Variants in COL4A1 observed in about 807,000 individuals in gnomAD.
COL4A1 encodes collagen alpha-1(IV) chain.
In COL4A1, 40 loss-of-function variants were observed where a neutral mutation model predicts 216.6. The observed-to-expected ratio is 0.18, with a 90% CI of 0.14 to 0.24. The LOEUF (loss-of-function observed/expected upper bound fraction) is 0.24, where lower values mean the gene tolerates loss of function less well. COL4A1 is among the 10% of genes least tolerant of loss of function. The pLI, the probability that COL4A1 is intolerant of heterozygous loss-of-function variation, is 1.00. For missense variants in COL4A1, 1,628 were observed against 2,196.8 expected (o/e 0.74, Z 5.18); for synonymous variants, 839 against 810.7 (o/e 1.03, Z -0.59).
intron 12 of COL4A1, among the ~76,000 whole-genome samples, chr13:110,208,605 T>C (rs1879626746): frequency 1.3e-5 from 2 of 152,212 alleles, no homozygotes; most frequent in Admixed American, 6.5e-5. Context: ...ATAATTGGAG[T>C]TAGTCTCGTT....
In COL4A1 at chr13:110,307,048, G is replaced by C. The variant is rs1884765318; in HGVS notation, c.-21C>G. 5 of 1,451,594 alleles carry C rather than the reference G, an allele frequency of 3.4e-6. No individual in the cohort carries two copies. The highest frequency in any genetic ancestry group is 3.6e-6 in the Non-Finnish European group (4 of 1,106,562). 89.9% of individuals were successfully genotyped at this position (1,451,594 alleles called of 1,614,324 possible). ...CCCATGGTGGCGCGCCCGAGGCGGC[G>C]AGGGACGGCTGCCCGGCGTGCGGGG... is the stretch of plus-strand genomic sequence containing the variant. On this transcript the variant is annotated 5_prime_UTR_variant, in exon 1 of 52. Transcript: ENST00000375820. The surrounding 1 kb of genome is among the most constrained non-coding windows in gnomAD (Gnocchi z 5.0).
At chr13:110,195,885 A>G (rs1241838946) in intron 21 of COL4A1, among the ~76,000 whole-genome samples, 1 of 152,136 alleles carries the variant, frequency 6.6e-6, no homozygotes, top group Admixed American at 6.5e-5. Context: ...CCTCTCCCTT[A>G]CAGGGTCTTC....
chr13:110,200,417 C>T (rs530817978), intron 20 of COL4A1, among the ~76,000 whole-genome samples: 2 of 152,268 alleles, frequency 1.3e-5, no homozygotes, highest in Non-Finnish European at 2.9e-5. Flanking sequence ...GGGGTTTTGT[C>T]CTGGAGTCTG....
At position 110,162,384 on chromosome 13, in the gene COL4A1, G is replaced by A. The variant is rs1276174021; in HGVS notation, c.4308C>T (p.Pro1436=). 1.9e-6 allele frequency: 3 copies of A among 1,614,228 alleles called. No homozygotes were observed. In the Admixed American group the frequency reaches 5.0e-5, roughly 27 times the overall value. The stretch of plus-strand genomic sequence containing the variant: ...CGTGATCAACAGATGGGGTGCCTGG[G>A]GGCCCCATGGATCCTGGCAACCCAT... ...GPDGLPGSMG[P]PGTPSVDHGF... is the part of the protein sequence containing the mutation. Residue 1436 remains proline (P), a synonymous_variant, in exon 48 of 52, where the codon CCC becomes CCT. Transcript: ENST00000375820.
At chr13:110,203,843 GGCTA>G (rs1879361897) in intron 17 of COL4A1, among the ~76,000 whole-genome samples, 1 of 151,936 alleles carries the variant, frequency 6.6e-6, no homozygotes, top group African/African-American at 2.4e-5. Context: ...ATAAGTTGGG[GGCTA>G]ATTATTCTCC....
chr13:110,291,021 TG>T (rs1229918374), intron 1 of COL4A1, among the ~76,000 whole-genome samples: 2 of 152,090 alleles, frequency 1.3e-5, no homozygotes, highest in Non-Finnish European at 2.9e-5. Flanking sequence ...ACAGGGCGGG[TG>T]GGGGGCTGTC....
chr13:110,229,917 T>C (rs1880940787), intron 2 of COL4A1, among the ~76,000 whole-genome samples: 1 of 152,176 alleles, frequency 6.6e-6, no homozygotes, highest in Non-Finnish European at 1.5e-5. Context: ...CACCCTCTTG[T>C]GGGTGACTTC....
chr13:110,243,380 T>C (rs1337651816), intron 1 of COL4A1, among the ~76,000 whole-genome samples: 2 of 152,042 alleles, frequency 1.3e-5, no homozygotes, highest in East Asian at 1.9e-4. Context: ...TGCAATGGCG[T>C]GATCTTGGCA....
At chr13:110,195,996 G>C (rs1356732573) in intron 21 of COL4A1, among the ~76,000 whole-genome samples, 1 of 152,122 alleles carries the variant, frequency 6.6e-6, no homozygotes, top group Non-Finnish European at 1.5e-5. Flanking sequence ...GGGGCTGTGG[G>C]GCCCTCCCTC....
At chr13:110,250,808 C>T (rs567601912) in intron 1 of COL4A1, among the ~76,000 whole-genome samples, 1 of 152,326 alleles carries the variant, frequency 6.6e-6, no homozygotes, top group East Asian at 1.9e-4. Flanking sequence ...TGGGGCAAGG[C>T]CAGTGCGTCC....
At chr13:110,201,407 G>A in intron 19 of COL4A1, 31 bp downstream of exon 19, 1 of 1,406,642 alleles carries the variant, frequency 7.1e-7, no homozygotes, top group Non-Finnish European at 9.6e-7. Flanking sequence ...AGGGGGAGTA[G>A]GAGGAGGGGG....
intron 29 of COL4A1, among the ~76,000 whole-genome samples, chr13:110,180,831 G>A (rs1490932484): frequency 2.0e-5 from 3 of 152,314 alleles, no homozygotes; most frequent in Non-Finnish European, 2.9e-5. Flanking sequence ...CCCATAGGTG[G>A]AGGGAGGGCT....
At chr13:110,251,312 C>A (rs1428495003) in intron 1 of COL4A1, among the ~76,000 whole-genome samples, 1 of 152,234 alleles carries the variant, frequency 6.6e-6, no homozygotes, top group Non-Finnish European at 1.5e-5. Context: ...AAGCCCAGCC[C>A]ACGCAAGACA....
chr13:110,173,884 G>A lies in COL4A1; in HGVS notation c.3505+16C>T. Reference sequence around the variant, plus strand: ...ACACTGCTGATTCTGATAGGGAATGGGGCGTTGGGCCATACCTGGTTCACC... The same window carrying A: ...ACACTGCTGATTCTGATAGGGAATGAGGCGTTGGGCCATACCTGGTTCACC... On this transcript the variant is annotated intron_variant, in intron 40 of 51. Transcript: ENST00000375820. 1 of 1,614,012 alleles carries A rather than the reference G, an allele frequency of 6.2e-7. No individual in the cohort carries two copies. Among genetic ancestry groups the A allele is most frequent in the Non-Finnish European group, 8.5e-7 (1 of 1,179,882 alleles).
chr13:110,231,968 A>T (rs1027814756), intron 2 of COL4A1, among the ~76,000 whole-genome samples: 1 of 152,216 alleles, frequency 6.6e-6, no homozygotes, highest in African/African-American at 2.4e-5. Context: ...TAAGAAATTC[A>T]CATCTATCAT....
chr13:110,150,523 A>G, intron 51 of COL4A1, 79 bp from the exon 52 acceptor site: 4 of 1,425,276 alleles, frequency 2.8e-6, no homozygotes, highest in Non-Finnish European at 3.9e-6. Flanking sequence ...CCCTGCTCGG[A>G]AATCTCTAAG....
intron 2 of COL4A1, among the ~76,000 whole-genome samples, chr13:110,242,168 T>C (rs1468519052): frequency 6.6e-6 from 1 of 152,232 alleles, no homozygotes; most frequent in African/African-American, 2.4e-5. Context: ...AGGGGAACAG[T>C]TTGCTTGCAA....
chr13:110,172,578 C>G, intron 41 of COL4A1, 142 bp downstream of exon 41: 1 of 813,138 alleles, frequency 1.2e-6, no homozygotes, highest in Non-Finnish European at 2.2e-6. Flanking sequence ...AGGCATTGCC[C>G]TCTGGGCTCA....
At chr13:110,184,943 T>G (rs573616607) in intron 26 of COL4A1, among the ~76,000 whole-genome samples, 39 of 152,222 alleles carry the variant, frequency 2.6e-4, no homozygotes, top group Non-Finnish European at 4.6e-4. Flanking sequence ...GTGCTGGGAT[T>G]ACAGGCATGA....
Sources: gnomAD v4.1 joint callset for allele counts (sites outside exome capture counted in the v4.1 genomes callset) on GRCh38, gnomAD v4.1.1 for gene constraint, Gnocchi (gnomAD v3.1) non-coding constraint, MANE v1.5 for transcripts, NCBI Gene and HGNC (gene_info 2026-07-23, HGNC 2026-07-21) for gene names.